Variants in ASAP1 observed in about 807,000 individuals in gnomAD.
ASAP1 encodes the protein arf-GAP with SH3 domain, ANK repeat and PH domain-containing protein 1.
ASAP1 carries 43 observed loss-of-function variants against 145.2 expected under a neutral mutation model. That is an observed-to-expected ratio of 0.30 (90% CI 0.23 to 0.38). ASAP1 has a LOEUF of 0.38. Ranked by LOEUF, ASAP1 falls within the 10% of genes least tolerant of loss-of-function variation. The pLI is 1.00. For synonymous variants in ASAP1, 546 were observed against 515.5 expected (o/e 1.06, Z -0.80); for missense variants, 1,018 against 1,355.3 (o/e 0.75, Z 3.91).
intron 12 of ASAP1, among the ~76,000 whole-genome samples, chr8:130,158,573 C>T (rs187512056): frequency 2.6e-5 from 4 of 152,168 alleles, no homozygotes; most frequent in Admixed American, 6.5e-5. Context: ...TATGCACTTA[C>T]TGTGAAGCAG....
At chr8:130,093,258 T>C (rs560941582) in intron 24 of ASAP1, among the ~76,000 whole-genome samples, 1 of 152,332 alleles carries the variant, frequency 6.6e-6, no homozygotes, top group East Asian at 1.9e-4. Context: ...AAAGTGACAT[T>C]GAAGTGGCTG....
In ASAP1 at chr8:130,152,795, CT is replaced by C; in HGVS notation, c.1020del (p.Val341TyrfsTer14). The part of the protein sequence containing the change: ...YLLKKSDGIR[K>X]VWQRRKCSVK... ...ACTGAACACTTCCTCCTCTGCCATA[CT>C]TTCCGGATCCTAAGGAGGAAGTCAA... On this transcript the variant is annotated frameshift_variant, in exon 13 of 30. Transcript: ENST00000518721. LOFTEE classifies it high-confidence loss of function. 6.2e-7 allele frequency: 1 copy of C among 1,609,064 alleles called. No homozygotes were observed. Among genetic ancestry groups the C allele is most frequent in the Non-Finnish European group, 8.5e-7 (1 of 1,176,382 alleles).
At chr8:130,318,959 T>G (rs1823837338) in intron 3 of ASAP1, among the ~76,000 whole-genome samples, 1 of 152,160 alleles carries the variant, frequency 6.6e-6, no homozygotes, top group Non-Finnish European at 1.5e-5. Flanking sequence ...AGAAGCAGAA[T>G]TAAAAGCTAG....
chr8:130,222,186 G>A (rs1444496554), intron 4 of ASAP1, among the ~76,000 whole-genome samples: 1 of 152,132 alleles, frequency 6.6e-6, no homozygotes, highest in Non-Finnish European at 1.5e-5. Flanking sequence ...CATCCAATGA[G>A]GCCTTCCTCA....
intron 11 of ASAP1, among the ~76,000 whole-genome samples, chr8:130,160,612 A>C (rs1448426196): frequency 2.0e-5 from 3 of 152,266 alleles, no homozygotes. Flanking sequence ...TTGATTTATT[A>C]TTAGCATTCC....
chr8:130,215,997 AAGG>A (rs745696261), intron 4 of ASAP1, among the ~76,000 whole-genome samples: 2,546 of 141,576 alleles, frequency 0.018, 67 homozygotes, highest in African/African-American at 0.062. Flanking sequence ...AAGGAAAGGA[AAGG>A]AAAGGAAAGG....
chr8:130,135,923 C>T (rs1361423033), intron 14 of ASAP1, among the ~76,000 whole-genome samples: 2 of 152,156 alleles, frequency 1.3e-5, no homozygotes, highest in Non-Finnish European at 2.9e-5. Context: ...CCTAAAGAGC[C>T]TCATGACTGA....
At chr8:130,217,306 T>C (rs983373783) in intron 4 of ASAP1, among the ~76,000 whole-genome samples, 3 of 152,138 alleles carry the variant, frequency 2.0e-5, no homozygotes, top group Non-Finnish European at 4.4e-5. Context: ...CATATCTTTT[T>C]TTTTGGTTTT....
intron 3 of ASAP1, among the ~76,000 whole-genome samples, chr8:130,347,254 C>T (rs1825751805): frequency 1.3e-5 from 2 of 152,206 alleles, no homozygotes; most frequent in African/African-American, 2.4e-5. Flanking sequence ...TTGATTTTTC[C>T]TGACCACATC....
At chr8:130,078,615 G>A (rs2097470348) in intron 26 of ASAP1, among the ~76,000 whole-genome samples, 1 of 152,102 alleles carries the variant, frequency 6.6e-6, no homozygotes, top group Non-Finnish European at 1.5e-5. Flanking sequence ...CTTTTGGAGT[G>A]TCAGATATTC....
At position 130,097,072 on chromosome 8, in the gene ASAP1, G is replaced by A. The variant is rs2097519483; in HGVS notation, c.2402-4929C>T. Among the ~76,000 whole-genome samples, 12 of 131,556 alleles carry A rather than the reference G, an allele frequency of 9.1e-5. No individual in the cohort carries two copies. In the Admixed American group the frequency reaches 1.0e-3, roughly 11 times the overall value. The allele number at this position is 131,556 out of a possible 152,430, so 86.3% of individuals were successfully genotyped here. A position where few individuals can be genotyped will look rare whatever the true frequency, so the allele number is the denominator to read the frequency against. ...ACCCGGGAGATGGAGGTTGCAGTGA[G>A]CCGAGATCATGCCACTGCACTCCAG... On this transcript the variant is annotated intron_variant, in intron 24 of 29. Coordinates refer to ENST00000518721, the MANE Select transcript of ASAP1 (RefSeq NM_018482.4).
intron 13 of ASAP1, among the ~76,000 whole-genome samples, chr8:130,141,158 G>A (rs889154251): frequency 3.3e-5 from 5 of 152,138 alleles, no homozygotes; most frequent in African/African-American, 1.2e-4. Flanking sequence ...AAGTACAGGA[G>A]AGAAAAAAGA....
At position 130,127,165 on chromosome 8, in the gene ASAP1, G is replaced by A. The variant is rs1286906341; in HGVS notation, c.1381+762C>T. ...CAGAGGTGAGGGAAGGTGTGGCTGA[G>A]TAGGAAGGAAGGAAAATCATGTACC... On this transcript the variant is annotated intron_variant, in intron 16 of 29. Transcript: ENST00000518721. 2.0e-5 allele frequency among the ~76,000 whole-genome samples: 3 copies of A among 152,228 alleles called. No homozygotes were observed. The East Asian group carries it at 5.8e-4, about 29-fold the overall frequency.
At chr8:130,098,669 A>G (rs1403634772) in intron 24 of ASAP1, among the ~76,000 whole-genome samples, 1 of 152,118 alleles carries the variant, frequency 6.6e-6, no homozygotes, top group East Asian at 1.9e-4. Context: ...TAGTTGACAC[A>G]ATTGTACATA....
chr8:130,128,159 T>G, intron 15 of ASAP1, 69 bp from the exon 16 acceptor site: 2 of 896,670 alleles, frequency 2.2e-6, no homozygotes, highest in Non-Finnish European at 2.8e-6. Flanking sequence ...TTTTTTTTTT[T>G]TTTTTGCCAC....
intron 2 of ASAP1, among the ~76,000 whole-genome samples, chr8:130,401,508 G>T (rs558327182): frequency 6.6e-6 from 1 of 152,270 alleles, no homozygotes; most frequent in East Asian, 1.9e-4. Flanking sequence ...GCCTCCTAAA[G>T]TGCTGGGATT....
At chr8:130,129,387 A>C (rs1421304360) in intron 15 of ASAP1, among the ~76,000 whole-genome samples, 1 of 152,242 alleles carries the variant, frequency 6.6e-6, no homozygotes, top group Non-Finnish European at 1.5e-5. Flanking sequence ...TTTCTATAGA[A>C]AACAACTGAT....
chr8:130,425,570 C>T (rs1210652399), intron 1 of ASAP1, among the ~76,000 whole-genome samples: 1 of 152,060 alleles, frequency 6.6e-6, no homozygotes, highest in Non-Finnish European at 1.5e-5. Context: ...CATGGACCAG[C>T]AGAGGGAACA....
At chr8:130,101,617 C>G (rs892341470) in intron 24 of ASAP1, among the ~76,000 whole-genome samples, 8 of 151,618 alleles carry the variant, frequency 5.3e-5, no homozygotes, top group Admixed American at 1.3e-4. Context: ...GTCACCCAGG[C>G]TGGAGTGCAG....
Sources: allele counts gnomAD v4.1 joint callset (sites outside exome capture counted in the v4.1 genomes callset), GRCh38; gene constraint gnomAD v4.1.1; transcripts MANE v1.5; gene names NCBI Gene and HGNC (gene_info 2026-07-23, HGNC 2026-07-21).